ADAMTSL1: variants seen among roughly 807,000 people sequenced by gnomAD.
ADAMTSL1 encodes the protein ADAMTS-like protein 1.
In ADAMTSL1, 126 loss-of-function variants were observed where a neutral mutation model predicts 201.8. That is an observed-to-expected ratio of 0.62 (90% CI 0.54 to 0.72). ADAMTSL1 has a LOEUF of 0.72. Among genes scored for constraint, ADAMTSL1 ranks in the 30% least tolerant of loss-of-function variants. The pLI, the probability that ADAMTSL1 is intolerant of heterozygous loss-of-function variation, is 0.00. For missense variants in ADAMTSL1, 2,679 were observed against 2,277.8 expected, an observed-to-expected ratio of 1.18 and a Z score of -3.59; for synonymous variants, 1,121 against 903.4, an observed-to-expected ratio of 1.24 and a Z score of -4.32.
At chr9:17,927,385 C>T (rs1826587650) in intron 1 of ADAMTSL1, among the ~76,000 whole-genome samples, 1 of 151,812 alleles carries the variant, frequency 6.6e-6, no homozygotes, top group Non-Finnish European at 1.5e-5. Flanking sequence ...TACATGCACA[C>T]ATATACGTAC....
intron 2 of ADAMTSL1, among the ~76,000 whole-genome samples, chr9:18,525,807 G>C (rs1383711271): frequency 1.3e-5 from 2 of 152,222 alleles, no homozygotes; most frequent in African/African-American, 4.8e-5. Context: ...TGGTCAGAGA[G>C]ACAGTTTGTT....
chr9:18,033,485 G>C (rs931348775), intron 1 of ADAMTSL1, among the ~76,000 whole-genome samples: 3 of 152,162 alleles, frequency 2.0e-5, no homozygotes, highest in Non-Finnish European at 4.4e-5. Flanking sequence ...AGCTCCTCTA[G>C]TTGTCCAAAG....
intron 2 of ADAMTSL1, among the ~76,000 whole-genome samples, chr9:18,320,793 TGACAAGG>T (rs1400858082): frequency 1.3e-5 from 2 of 152,076 alleles, no homozygotes; most frequent in African/African-American, 4.8e-5. Context: ...CTAAATAAAC[TGACAAGG>T]GTGTGTATGT....
intron 15 of ADAMTSL1, among the ~76,000 whole-genome samples, chr9:18,735,403 T>C (rs1319485196): frequency 6.6e-6 from 1 of 152,206 alleles, no homozygotes; most frequent in Non-Finnish European, 1.5e-5. Context: ...CATCCCTTCA[T>C]CCCTTGCCAC....
At chr9:18,717,861 C>G (rs1403710449) in intron 14 of ADAMTSL1, 2 of 768,966 alleles carry the variant, frequency 2.6e-6, no homozygotes, top group Non-Finnish European at 4.7e-6. Flanking sequence ...GGTACCACCA[C>G]AGGAAAGTCC....
At chr9:18,424,311 A>G (rs1819100242) in intron 2 of ADAMTSL1, among the ~76,000 whole-genome samples, 1 of 152,178 alleles carries the variant, frequency 6.6e-6, no homozygotes, top group Non-Finnish European at 1.5e-5. Context: ...GAAGTTGTGC[A>G]ATGTCCGGGG....
intron 1 of ADAMTSL1, among the ~76,000 whole-genome samples, chr9:18,054,255 T>C (rs536607780): frequency 1.8e-4 from 27 of 152,366 alleles, no homozygotes; most frequent in Non-Finnish European, 3.5e-4. Context: ...AGAATAAATT[T>C]ACACGCAACC....
chr9:18,197,117 A>G (rs892339548), intron 2 of ADAMTSL1, among the ~76,000 whole-genome samples: 1 of 152,158 alleles, frequency 6.6e-6, no homozygotes, highest in African/African-American at 2.4e-5. Context: ...TGACTGTCTT[A>G]TTCAGAGTAA....
intron 9 of ADAMTSL1, among the ~76,000 whole-genome samples, chr9:18,668,084 A>T (rs1170028384): frequency 6.7e-6 from 1 of 149,300 alleles, no homozygotes; most frequent in Non-Finnish European, 1.5e-5. Flanking sequence ...TTATTTAGCA[A>T]TTACTGTATA....
At chr9:18,167,425 G>A (rs1340442362) in intron 2 of ADAMTSL1, among the ~76,000 whole-genome samples, 1 of 151,898 alleles carries the variant, frequency 6.6e-6, no homozygotes, top group Non-Finnish European at 1.5e-5. Context: ...TGAAATGGAG[G>A]TGAGCTTTCA....
chr9:18,906,023 A>C (rs1588362387), intron 27 of ADAMTSL1, 132 bp downstream of exon 27: 9 of 759,330 alleles, frequency 1.2e-5, no homozygotes. Flanking sequence ...ATCTCCATTC[A>C]CCGCAAGCCA....
chr9:18,686,008 T>C (rs1033537995), intron 13 of ADAMTSL1, among the ~76,000 whole-genome samples: 13 of 152,174 alleles, frequency 8.5e-5, no homozygotes, highest in Admixed American at 4.6e-4. Flanking sequence ...AGCTTTCACC[T>C]GCCAGGCTCA....
At chr9:18,692,012 G>C (rs1389231320) in intron 13 of ADAMTSL1, among the ~76,000 whole-genome samples, 2 of 152,070 alleles carry the variant, frequency 1.3e-5, no homozygotes, top group East Asian at 1.9e-4. Context: ...CATACATCTT[G>C]TATCTAATGG....
chr9:18,044,121 G>T (rs1480816179), intron 1 of ADAMTSL1, among the ~76,000 whole-genome samples: 1 of 151,012 alleles, frequency 6.6e-6, no homozygotes, highest in Non-Finnish European at 1.5e-5. Context: ...TATAAAAATA[G>T]GTTTAAGTCA....
At chr9:18,028,665 C>G (rs1019856601) in intron 1 of ADAMTSL1, among the ~76,000 whole-genome samples, 29 of 152,076 alleles carry the variant, frequency 1.9e-4, no homozygotes, top group African/African-American at 6.8e-4. Flanking sequence ...TTACTGTAGC[C>G]TTGTAGTATA....
chr9:18,584,744 G>A (rs1162758822), intron 4 of ADAMTSL1, among the ~76,000 whole-genome samples: 2 of 152,132 alleles, frequency 1.3e-5, no homozygotes, highest in Non-Finnish European at 2.9e-5. Context: ...TGAATCAGTG[G>A]ACTGAGTTGG....
At chr9:18,250,396 C>A (rs927827002) in intron 2 of ADAMTSL1, among the ~76,000 whole-genome samples, 1 of 152,132 alleles carries the variant, frequency 6.6e-6, no homozygotes, top group Admixed American at 6.5e-5. Flanking sequence ...GGAGGGGTAC[C>A]AGTGAGGACT....
chr9:18,315,651 C>G (rs1385556897), intron 2 of ADAMTSL1, among the ~76,000 whole-genome samples: 1 of 152,202 alleles, frequency 6.6e-6, no homozygotes, highest in East Asian at 1.9e-4. Context: ...CCGCGCCCAC[C>G]TGGAACTCGC....
chr9:18,307,570 A>T (rs76943663), intron 2 of ADAMTSL1, among the ~76,000 whole-genome samples: 10,380 of 152,228 alleles, frequency 0.068, 1,159 homozygotes, highest in African/African-American at 0.23. Context: ...ACAGACTTTA[A>T]ACCAAAAAAG....
Sources: gnomAD v4.1 joint callset for allele counts (sites outside exome capture counted in the v4.1 genomes callset) on GRCh38, gnomAD v4.1.1 for gene constraint, MANE v1.5 for transcripts, NCBI Gene and HGNC (gene_info 2026-07-23, HGNC 2026-07-21) for gene names.